The following PRKCE variants were observed in gnomAD, a reference collection of about 807,000 sequenced individuals.
PRKCE encodes protein kinase C epsilon type.
In PRKCE, 16 loss-of-function variants were observed where a neutral mutation model predicts 85.4. That is an observed-to-expected ratio of 0.19 (90% CI 0.13 to 0.28). The LOEUF is 0.28. PRKCE is among the 10% of genes least tolerant of loss of function. The pLI is 1.00. For synonymous variants in PRKCE, 388 were observed against 371.5 expected, an observed-to-expected ratio of 1.04 and a Z score of -0.51; for missense variants, 573 against 975.2, an observed-to-expected ratio of 0.59 and a Z score of 5.49.
chr2:45,770,388 T>G (rs1685219881), intron 1 of PRKCE, among the ~76,000 whole-genome samples: 2 of 152,218 alleles, frequency 1.3e-5, no homozygotes, highest in Admixed American at 1.3e-4. Flanking sequence ...GTGTGCATAT[T>G]GCCTAAGGTT....
intron 11 of PRKCE, among the ~76,000 whole-genome samples, chr2:46,143,492 G>A (rs1201426558): frequency 1.3e-5 from 2 of 152,048 alleles, no homozygotes; most frequent in Admixed American, 6.5e-5. Flanking sequence ...CTACTTTCAC[G>A]CACATCTCAT....
chr2:46,026,979 G>A (rs1421318809), intron 10 of PRKCE, among the ~76,000 whole-genome samples: 1 of 152,102 alleles, frequency 6.6e-6, no homozygotes, highest in African/African-American at 2.4e-5. Context: ...TGAGCCCTGG[G>A]AACATAGTGA....
chr2:45,829,647 C>G (rs1008792934), intron 1 of PRKCE, among the ~76,000 whole-genome samples: 13 of 152,320 alleles, frequency 8.5e-5, no homozygotes, highest in Middle Eastern at 3.4e-3. Flanking sequence ...AGCTTCTCTG[C>G]AGGACCCTAA....
At chr2:45,835,875 G>A (rs1236384751) in intron 1 of PRKCE, among the ~76,000 whole-genome samples, 1 of 152,138 alleles carries the variant, frequency 6.6e-6, no homozygotes, top group African/African-American at 2.4e-5. Context: ...GATTACAGGG[G>A]TGAGCCACCG....
chr2:45,820,140 C>G (rs115801109), intron 1 of PRKCE, among the ~76,000 whole-genome samples: 337 of 152,284 alleles, frequency 2.2e-3, no homozygotes, highest in Non-Finnish European at 3.7e-3. Context: ...GTAATGGAAA[C>G]ATCACGGCGC....
chr2:46,039,507 G>A lies in PRKCE; in HGVS notation c.1437+28990G>A, dbSNP rs368471068. Reference sequence around the variant, plus strand: ...TGACCATGATTTTTTAGCTGTATTCGTGGGGTTTTTTTGTTGTTGTTTTTT... The same window carrying A: ...TGACCATGATTTTTTAGCTGTATTCATGGGGTTTTTTTGTTGTTGTTTTTT... On this transcript the variant is annotated intron_variant, in intron 10 of 14. Transcript: ENST00000306156. 5.9e-5 allele frequency among the ~76,000 whole-genome samples: 9 copies of A among 151,942 alleles called. No individual in the cohort carries two copies. The East Asian group carries it at 9.6e-4, about 16-fold the overall frequency.
chr2:45,839,168 G>A (rs928802371), intron 1 of PRKCE, among the ~76,000 whole-genome samples: 2 of 151,932 alleles, frequency 1.3e-5, no homozygotes, highest in Non-Finnish European at 2.9e-5. Context: ...GGTGCCAAGT[G>A]CTTTGCATGT....
intron 1 of PRKCE, among the ~76,000 whole-genome samples, chr2:45,657,654 T>A (rs1353766309): frequency 6.6e-6 from 1 of 152,150 alleles, no homozygotes; most frequent in African/African-American, 2.4e-5. Flanking sequence ...GCCATCTCAT[T>A]TGGCAAAGAA....
At chr2:45,675,112 C>A (rs1262855756) in intron 1 of PRKCE, among the ~76,000 whole-genome samples, 1 of 152,162 alleles carries the variant, frequency 6.6e-6, no homozygotes, top group African/African-American at 2.4e-5. Context: ...AGGAAGACAG[C>A]AGGCAGATCT....
Position 46,137,299 on chromosome 2 carries a change from A to C in PRKCE, c.1593-7794A>C, listed in dbSNP as rs13406315. Among the ~76,000 whole-genome samples the C allele has an allele frequency of 3.2e-3, 489 of 152,350 alleles. 2 individuals carry two copies. The highest frequency in any genetic ancestry group is 0.011 in the African/African-American group (460 of 41,578). On this transcript the variant is annotated intron_variant, in intron 11 of 14. Transcript: ENST00000306156. ...TCGGGAAGAGAAAATATGGGGACCC[A>C]CCCAACATCTCAGATCACATGTAGG... is the stretch of plus-strand genomic sequence containing the variant.
chr2:46,107,593 T>G (rs756333298), intron 11 of PRKCE, among the ~76,000 whole-genome samples: 1 of 152,226 alleles, frequency 6.6e-6, no homozygotes, highest in Non-Finnish European at 1.5e-5. Flanking sequence ...AATTGCTGGA[T>G]TATATGGAAG....
At chr2:46,134,959 A>G (rs1432247473) in intron 11 of PRKCE, among the ~76,000 whole-genome samples, 1 of 152,242 alleles carries the variant, frequency 6.6e-6, no homozygotes, top group Non-Finnish European at 1.5e-5. Context: ...AAAAAAAGTA[A>G]TTGGATGATC....
intron 1 of PRKCE, among the ~76,000 whole-genome samples, chr2:45,712,514 G>A (rs1302054182): frequency 6.6e-6 from 1 of 152,086 alleles, no homozygotes; most frequent in East Asian, 1.9e-4. Context: ...TAAAGCCCCT[G>A]ATGGGAAGCC....
At chr2:45,839,832 C>T (rs997362428) in intron 1 of PRKCE, among the ~76,000 whole-genome samples, 2 of 152,212 alleles carry the variant, frequency 1.3e-5, no homozygotes, top group African/African-American at 4.8e-5. Flanking sequence ...TGGCGATCTG[C>T]GGCCATCTGC....
intron 1 of PRKCE, among the ~76,000 whole-genome samples, chr2:45,654,462 C>T (rs933857399): frequency 4.6e-5 from 7 of 152,124 alleles, no homozygotes; most frequent in Admixed American, 2.6e-4. Context: ...AGTTGGGGAC[C>T]GAGGGTCACA....
chr2:45,932,101 C>T (rs1263732923), intron 2 of PRKCE, among the ~76,000 whole-genome samples: 1 of 152,214 alleles, frequency 6.6e-6, no homozygotes, highest in Non-Finnish European at 1.5e-5. Context: ...CTCTCTTCTG[C>T]TCACTACCCC....
At chr2:45,871,820 C>A (rs539909792) in intron 2 of PRKCE, among the ~76,000 whole-genome samples, 1 of 152,248 alleles carries the variant, frequency 6.6e-6, no homozygotes, top group African/African-American at 2.4e-5. Flanking sequence ...CCTTCTTTCC[C>A]CCCTGCCAGA....
chr2:46,107,839 CATCTGTAT>C lies in PRKCE; in HGVS notation c.1592+21493_1592+21500del, dbSNP rs546585037. 4.3e-4 allele frequency among the ~76,000 whole-genome samples: 66 copies of C among 152,202 alleles called. 1 individual carries two copies. In the South Asian group the frequency reaches 0.013, roughly 30 times the overall value. On this transcript the variant is annotated intron_variant, in intron 11 of 14. Coordinates refer to ENST00000306156, the MANE Select transcript of PRKCE (RefSeq NM_005400.3). ...ACACATCTTTTCCTATCTTATTTGC[CATCTGTAT>C]ATCTGTATATCTGTAAAGGTATCCT... is the stretch of plus-strand genomic sequence containing the variant.
intron 10 of PRKCE, among the ~76,000 whole-genome samples, chr2:46,055,666 AT>A (rs111642461): frequency 0.064 from 9,406 of 147,536 alleles, 393 homozygotes; most frequent in Non-Finnish European, 0.094. Flanking sequence ...GCTAAGTCTA[AT>A]TTTTTTTTTT....
Sources: gnomAD v4.1 joint callset for allele counts (sites outside exome capture counted in the v4.1 genomes callset) on GRCh38, gnomAD v4.1.1 for gene constraint, MANE v1.5 for transcripts, NCBI Gene and HGNC (gene_info 2026-07-23, HGNC 2026-07-21) for gene names.